Variants in DPP10 observed in about 807,000 individuals in gnomAD.
DPP10 encodes inactive dipeptidyl peptidase 10.
A neutral mutation model predicts 120.9 loss-of-function variants in DPP10; 33 were observed. The observed-to-expected ratio is 0.27, with a 90% CI of 0.21 to 0.37. The LOEUF is 0.37. Ranked by LOEUF, DPP10 falls within the 10% of genes least tolerant of loss-of-function variation. The probability of loss-of-function intolerance (pLI) is 1.00; values close to 1 mark genes in which losing one functional copy is unlikely to be tolerated. For synonymous variants in DPP10, 337 were observed against 326.1 expected, an observed-to-expected ratio of 1.03 and a Z score of -0.36; for missense variants, 816 against 942.8, an observed-to-expected ratio of 0.87 and a Z score of 1.76.
At chr2:115,154,724 C>T (rs2051783498) in intron 1 of DPP10, among the ~76,000 whole-genome samples, 1 of 151,658 alleles carries the variant, frequency 6.6e-6, no homozygotes, top group Admixed American at 6.6e-5. Flanking sequence ...TGATGTAGAC[C>T]CCTACCCACC....
chr2:114,814,742 G>A (rs922644543), intron 1 of DPP10, among the ~76,000 whole-genome samples: 2 of 152,106 alleles, frequency 1.3e-5, no homozygotes, highest in Non-Finnish European at 2.9e-5. Context: ...TCAAGAACAG[G>A]GAATTTCTCC....
At chr2:114,728,703 A>G (rs1271873420) in intron 1 of DPP10, among the ~76,000 whole-genome samples, 1 of 152,228 alleles carries the variant, frequency 6.6e-6, no homozygotes, top group Non-Finnish European at 1.5e-5. Flanking sequence ...ATTAGATTAC[A>G]TTCTCTCTAC....
At chr2:115,211,707 T>C (rs2056525847) in intron 1 of DPP10, among the ~76,000 whole-genome samples, 1 of 152,136 alleles carries the variant, frequency 6.6e-6, no homozygotes, top group South Asian at 2.1e-4. Flanking sequence ...TAATACAACT[T>C]CAGTGCATCA....
intron 1 of DPP10, among the ~76,000 whole-genome samples, chr2:114,785,053 G>T (rs1438242831): frequency 6.6e-6 from 1 of 152,122 alleles, no homozygotes; most frequent in African/African-American, 2.4e-5. Flanking sequence ...TAACTTGTTG[G>T]CTCTCTAGGG....
intron 5 of DPP10, among the ~76,000 whole-genome samples, chr2:115,534,954 G>T (rs2078714622): frequency 6.6e-6 from 1 of 150,680 alleles, no homozygotes; most frequent in Non-Finnish European, 1.5e-5. Flanking sequence ...CTTTTTGATG[G>T]GGTTGTTTGT....
intron 1 of DPP10, among the ~76,000 whole-genome samples, chr2:115,153,154 G>A (rs767233051): frequency 6.6e-6 from 1 of 152,136 alleles, no homozygotes; most frequent in Non-Finnish European, 1.5e-5. Flanking sequence ...GAGTAATAAT[G>A]CTTGTCCTTT....
chr2:115,132,758 G>A (rs371884806), intron 1 of DPP10, among the ~76,000 whole-genome samples: 13 of 151,956 alleles, frequency 8.6e-5, no homozygotes, highest in Admixed American at 3.9e-4. Flanking sequence ...GCCAGTTGGC[G>A]GAACTGAAAA....
intron 5 of DPP10, among the ~76,000 whole-genome samples, chr2:115,536,847 A>T (rs913567942): frequency 1.1e-4 from 17 of 151,872 alleles, no homozygotes; most frequent in East Asian, 1.9e-4. Context: ...AACCTATTTT[A>T]AAAAAAATAA....
At chr2:115,759,957 C>T (rs1679909694) in intron 11 of DPP10, among the ~76,000 whole-genome samples, 1 of 151,238 alleles carries the variant, frequency 6.6e-6, no homozygotes, top group African/African-American at 2.4e-5. Context: ...TGCTGTGAGC[C>T]AAGATCATTC....
chr2:115,196,034 T>G (rs2055240378), intron 1 of DPP10, among the ~76,000 whole-genome samples: 1 of 152,276 alleles, frequency 6.6e-6, no homozygotes, highest in South Asian at 2.1e-4. Flanking sequence ...CCATCTGAAG[T>G]GTTTTCAGTG....
chr2:115,067,906 TGGGTGTGTGG>T (rs1274935533), intron 1 of DPP10, among the ~76,000 whole-genome samples: 188 of 143,638 alleles, frequency 1.3e-3, no homozygotes, highest in African/African-American at 3.7e-3. Context: ...TATTCCTGTG[TGGGTGTGTGG>T]GGGTGTGTGG....
At chr2:115,400,991 G>T (rs1394220412) in intron 3 of DPP10, among the ~76,000 whole-genome samples, 1 of 152,204 alleles carries the variant, frequency 6.6e-6, no homozygotes, top group African/African-American at 2.4e-5. Flanking sequence ...CAAAACATTT[G>T]TGTTAGCACA....
chr2:115,110,733 T>C (rs2104677548), intron 1 of DPP10, among the ~76,000 whole-genome samples: 1 of 152,242 alleles, frequency 6.6e-6, no homozygotes, highest in South Asian at 2.1e-4. Flanking sequence ...TTTTGTTTCT[T>C]CAGGTAGTTT....
chr2:115,127,253 T>G (rs2050126738), intron 1 of DPP10, among the ~76,000 whole-genome samples: 1 of 152,234 alleles, frequency 6.6e-6, no homozygotes, highest in Non-Finnish European at 1.5e-5. Flanking sequence ...GGAATACTGA[T>G]TCTCTTCGTG....
At chr2:115,474,307 G>C (rs2074929200) in intron 3 of DPP10, among the ~76,000 whole-genome samples, 1 of 152,158 alleles carries the variant, frequency 6.6e-6, no homozygotes, top group Non-Finnish European at 1.5e-5. Context: ...AGAGAAGAAA[G>C]TGAGAAGACA....
intron 1 of DPP10, among the ~76,000 whole-genome samples, chr2:114,777,119 T>C (rs1574162039): frequency 6.6e-6 from 1 of 152,298 alleles, no homozygotes; most frequent in South Asian, 2.1e-4. Flanking sequence ...TATTCAGAAG[T>C]AAATGAAATG....
At chr2:115,432,702 T>TGTGTGTGTC (rs1480036665) in intron 3 of DPP10, among the ~76,000 whole-genome samples, 1 of 149,026 alleles carries the variant, frequency 6.7e-6, no homozygotes, top group Non-Finnish European at 1.5e-5. Context: ...TGTGTGTGTC[T>TGTGTGTGTC]TTTAGCTCAG....
Position 114,537,502 on chromosome 2 carries a change from C to CT in DPP10, c.60+94674dup, listed in dbSNP as rs900317502. 1.5e-3 allele frequency among the ~76,000 whole-genome samples: 220 copies of CT among 148,780 alleles called. 1 individual carries two copies. The highest frequency in any genetic ancestry group is 0.015 in the South Asian group (69 of 4,672). On this transcript the variant is annotated intron_variant, in intron 1 of 25. Transcript: ENST00000410059. ...CCACGTATCAAATAGAGAAGGGAGA[C>CT]TTTTTTTTTTGGTCCCTGGTGTGCA... is the stretch of plus-strand genomic sequence containing the variant.
chr2:114,537,315 G>A (rs542728503), intron 1 of DPP10, among the ~76,000 whole-genome samples: 5 of 152,206 alleles, frequency 3.3e-5, no homozygotes, highest in East Asian at 3.9e-4. Flanking sequence ...AAGGAAAACC[G>A]ATTACAGAGA....
Sources: allele counts gnomAD v4.1 joint callset (sites outside exome capture counted in the v4.1 genomes callset), GRCh38; gene constraint gnomAD v4.1.1; transcripts MANE v1.5; gene names NCBI Gene and HGNC (gene_info 2026-07-23, HGNC 2026-07-21).